Variants in LPP observed in about 807,000 individuals in gnomAD.
LPP encodes LIM domain containing preferred translocation partner in lipoma.
In LPP, 38 loss-of-function variants were observed where a neutral mutation model predicts 60.4. The observed-to-expected ratio is 0.63, with a 90% confidence interval of 0.49 to 0.83. The LOEUF (loss-of-function observed/expected upper bound fraction) is 0.83, where lower values mean the gene tolerates loss of function less well. Among genes scored for constraint, LPP ranks in the 40% least tolerant of loss-of-function variants. The probability of loss-of-function intolerance (pLI) is 0.00; values close to 1 mark genes in which losing one functional copy is unlikely to be tolerated. For synonymous variants in LPP, 328 were observed against 290.8 expected, an observed-to-expected ratio of 1.13 and a Z score of -1.30; for missense variants, 902 against 783.6, an observed-to-expected ratio of 1.15 and a Z score of -1.80.
In LPP at chr3:188,376,136, A is replaced by G. The variant is rs1019666407; in HGVS notation, c.-9-29976A>G. Among the ~76,000 whole-genome samples the G allele has an allele frequency of 2.6e-5, 4 of 152,214 alleles. No homozygotes were observed. In the South Asian group the frequency reaches 6.2e-4, roughly 24 times the overall value. On this transcript the variant is annotated intron_variant, in intron 3 of 11. Coordinates refer to ENST00000617246, the MANE Select transcript of LPP (RefSeq NM_001375462.1). ...TGCTTTACTTCCAACTATGTGGTCA[A>G]TGTTGGAGTAGGTGTGGTGTGGTGC...
chr3:188,731,918 A>T, intron 8 of LPP, among the ~76,000 whole-genome samples: 1 of 151,784 alleles, frequency 6.6e-6, no homozygotes, highest in African/African-American at 2.4e-5. Context: ...CCTTCTTTTC[A>T]TTTACAGAGA....
intron 4 of LPP, among the ~76,000 whole-genome samples, chr3:188,410,663 A>G (rs1784691183): frequency 1.3e-5 from 2 of 152,122 alleles, no homozygotes; most frequent in Non-Finnish European, 2.9e-5. Context: ...ATACCCCTAC[A>G]TTTCCAAATG....
At chr3:188,756,871 A>G (rs1730438083) in intron 8 of LPP, among the ~76,000 whole-genome samples, 1 of 152,204 alleles carries the variant, frequency 6.6e-6, no homozygotes, top group South Asian at 2.1e-4. Context: ...TCCAAAGCAT[A>G]AAGTAGAAGA....
chr3:188,407,804 T>TGAGA (rs1784011911), intron 4 of LPP, among the ~76,000 whole-genome samples: 1 of 144,078 alleles, frequency 6.9e-6, no homozygotes, highest in African/African-American at 2.6e-5. Context: ...TTTTTTTTTT[T>TGAGA]TTTGAGATGG....
At chr3:188,739,920 A>G (rs16863562) in intron 8 of LPP, among the ~76,000 whole-genome samples, 18,056 of 151,992 alleles carry the variant, frequency 0.12, 1,243 homozygotes, top group Non-Finnish European at 0.15. Flanking sequence ...GGTCTACTGA[A>G]TCTCATATTT....
intron 6 of LPP, among the ~76,000 whole-genome samples, chr3:188,577,691 C>T (rs1834952677): frequency 6.6e-6 from 1 of 151,190 alleles, no homozygotes; most frequent in South Asian, 2.1e-4. Context: ...TTTCTCCCTC[C>T]CTTCCTTTCT....
chr3:188,618,457 A>C (rs1845255633), intron 7 of LPP, among the ~76,000 whole-genome samples: 1 of 152,200 alleles, frequency 6.6e-6, no homozygotes, highest in African/African-American at 2.4e-5. Flanking sequence ...AATACTGAAT[A>C]CCTAAGGGAG....
chr3:188,223,458 A>G (rs1716577301), intron 1 of LPP, among the ~76,000 whole-genome samples: 1 of 152,234 alleles, frequency 6.6e-6, no homozygotes, highest in Admixed American at 6.5e-5. Context: ...AACTCTGCTA[A>G]TGGTTTGTTT....
chr3:188,821,796 T>C (rs562832944), intron 9 of LPP, among the ~76,000 whole-genome samples: 1 of 152,300 alleles, frequency 6.6e-6, no homozygotes, highest in East Asian at 1.9e-4. Flanking sequence ...TTAATGCTTG[T>C]ATAACATTAA....
intron 6 of LPP, among the ~76,000 whole-genome samples, chr3:188,559,588 G>T (rs1207693467): frequency 6.6e-6 from 1 of 151,984 alleles, no homozygotes; most frequent in Non-Finnish European, 1.5e-5. Context: ...GTATTTCCGT[G>T]TTCGTAGAGT....
intron 2 of LPP, among the ~76,000 whole-genome samples, chr3:188,282,571 A>G (rs917792946): frequency 3.3e-5 from 5 of 152,038 alleles, no homozygotes; most frequent in South Asian, 2.1e-4. Context: ...TGGCCTCCCA[A>G]TGCTCCTGGC....
intron 9 of LPP, among the ~76,000 whole-genome samples, chr3:188,842,142 C>T (rs1760195345): frequency 1.3e-5 from 2 of 152,278 alleles, no homozygotes; most frequent in Admixed American, 1.3e-4. Flanking sequence ...ACAAGGGTTC[C>T]CTTTTCTCCA....
intron 2 of LPP, among the ~76,000 whole-genome samples, chr3:188,240,894 C>T (rs1410697007): frequency 2.0e-5 from 3 of 152,174 alleles, no homozygotes; most frequent in Admixed American, 6.5e-5. Flanking sequence ...GAAAAAGTTC[C>T]GTGTGGAGAG....
intron 4 of LPP, among the ~76,000 whole-genome samples, chr3:188,433,976 G>A (rs1426297529): frequency 1.3e-5 from 2 of 152,092 alleles, no homozygotes; most frequent in Non-Finnish European, 2.9e-5. Context: ...AGTGGGGAGG[G>A]TGAATGGTAG....
Position 188,663,630 on chromosome 3 carries a change from A to T in LPP, c.1114-44637A>T, listed in dbSNP as rs60620276. Among the ~76,000 whole-genome samples the T allele has an allele frequency of 5.0e-3, 766 of 152,276 alleles. 7 individuals carry two copies. Among genetic ancestry groups the T allele is most frequent in the African/African-American group, 0.018 (743 of 41,556 alleles). Reference sequence around the variant, plus strand: ...GCTGTGTTACCATCTTCTGACCCAAAGAGAAAAGCTGCAGTAAGGATTTTT... The same window carrying T: ...GCTGTGTTACCATCTTCTGACCCAATGAGAAAAGCTGCAGTAAGGATTTTT... On this transcript the variant is annotated intron_variant, in intron 7 of 11. Transcript: ENST00000617246.
chr3:188,515,958 G>C (rs904007867), intron 5 of LPP, among the ~76,000 whole-genome samples: 1 of 152,140 alleles, frequency 6.6e-6, no homozygotes, highest in Non-Finnish European at 1.5e-5. Flanking sequence ...CCTCAAGGTT[G>C]GGTATCATGG....
At chr3:188,871,895 A>G (rs1170257063) in intron 10 of LPP, among the ~76,000 whole-genome samples, 3 of 152,224 alleles carry the variant, frequency 2.0e-5, no homozygotes, top group African/African-American at 7.2e-5. Flanking sequence ...GCAGCCTCAA[A>G]AACATATGCA....
chr3:188,413,092 A>G (rs1008920693), intron 4 of LPP, among the ~76,000 whole-genome samples: 1 of 152,158 alleles, frequency 6.6e-6, no homozygotes, highest in Non-Finnish European at 1.5e-5. Flanking sequence ...ATGTGAAGCC[A>G]TGTATCCTGG....
chr3:188,766,320 C>A (rs1298322663), intron 9 of LPP, among the ~76,000 whole-genome samples: 1 of 141,612 alleles, frequency 7.1e-6, no homozygotes, highest in East Asian at 2.1e-4. Context: ...TGCTAAACTT[C>A]TACTGATGAA....
Sources: allele counts gnomAD v4.1 joint callset (sites outside exome capture counted in the v4.1 genomes callset), GRCh38; gene constraint gnomAD v4.1.1; transcripts MANE v1.5; gene names NCBI Gene and HGNC (gene_info 2026-07-23, HGNC 2026-07-21).